Variants in BICD1 observed in about 807,000 individuals in gnomAD.
The protein encoded by BICD1 is protein bicaudal D homolog 1.
BICD1 carries 35 observed loss-of-function variants against 92.5 expected under a neutral mutation model. The observed-to-expected ratio is 0.38, with a 90% confidence interval of 0.29 to 0.50. The LOEUF is 0.50. Among genes scored for constraint, BICD1 ranks in the 20% least tolerant of loss-of-function variants. The pLI is 0.93. For synonymous variants in BICD1, 429 were observed against 465.1 expected (o/e 0.92, Z 1.00); for missense variants, 950 against 1,189.8 (o/e 0.80, Z 2.97).
rs1472492555 is a variant in BICD1 at position 32,328,908 on chromosome 12, G to T, written c.2100+353G>T. On this transcript the variant is annotated intron_variant, in intron 5 of 9. Transcript: ENST00000652176. The surrounding 1 kb of genome is among the most constrained non-coding windows in gnomAD (Gnocchi z 4.4). ...AGATGGAGGGTGGCAGAATAGGCTG[G>T]CAAGGCAGGTTACACCAACCAGGGC... Among the ~76,000 whole-genome samples the T allele has an allele frequency of 1.3e-5, 2 of 151,984 alleles. No individual in the cohort carries two copies. The highest frequency in any genetic ancestry group is 2.9e-5 in the Non-Finnish European group (2 of 68,000).
At chr12:32,142,453 C>CCTATCTATCTATCCTATCTATCTAT (rs772125865) in intron 1 of BICD1, among the ~76,000 whole-genome samples, 18,625 of 112,732 alleles carry the variant, frequency 0.17, 1,540 homozygotes, top group Admixed American at 0.21. Flanking sequence ...ACCTATCTAT[C>CCTATCTATCTATCCTATCTATCTAT]CTATCTATCT....
chr12:32,228,454 A>G (rs1945770925), intron 2 of BICD1, among the ~76,000 whole-genome samples: 1 of 152,216 alleles, frequency 6.6e-6, no homozygotes, highest in African/African-American at 2.4e-5. Context: ...CAGATCATGT[A>G]GGGCCTTGTA....
chr12:32,154,923 G>A (rs948659667), intron 1 of BICD1, among the ~76,000 whole-genome samples: 5 of 151,962 alleles, frequency 3.3e-5, no homozygotes, highest in South Asian at 4.2e-4. Context: ...ATGATCCCTC[G>A]TCAGTTTTTC....
chr12:32,310,080 C>T lies in BICD1; in HGVS notation c.1005+3958C>T, dbSNP rs191761357. ...TAGAGGGGCACAGGCAAGGCTGTAA[C>T]TCCCTGAACCAGGTGATATGCAGCA... On this transcript the variant is annotated intron_variant, in intron 4 of 9. Transcript: ENST00000652176. 5.5e-4 allele frequency among the ~76,000 whole-genome samples: 84 copies of T among 152,296 alleles called. No individual in the cohort carries two copies. In the East Asian group the frequency reaches 0.013, roughly 23 times the overall value.
At chr12:32,235,569 T>C (rs1362120826) in intron 2 of BICD1, among the ~76,000 whole-genome samples, 1 of 146,546 alleles carries the variant, frequency 6.8e-6, no homozygotes, top group Non-Finnish European at 1.5e-5. Context: ...TTTTTTTTTT[T>C]ACAAATTGAA....
At chr12:32,133,937 A>G (rs967957812) in intron 1 of BICD1, among the ~76,000 whole-genome samples, 7 of 151,818 alleles carry the variant, frequency 4.6e-5, no homozygotes, top group Non-Finnish European at 7.4e-5. Flanking sequence ...GCCTGCCACC[A>G]CGCCTGGCTA....
rs1462600880 is a variant in BICD1 at position 32,258,342 on chromosome 12, A to AT, written c.427-35651dup. On this transcript the variant is annotated intron_variant, in intron 2 of 9. Coordinates refer to ENST00000652176, the MANE Select transcript of BICD1 (RefSeq NM_001714.4). ...TATGGTTTCAACTTGTATTTTCCTT[A>AT]TGACTAATGAAATCGAAGACCTTTT... Among the ~76,000 whole-genome samples, 7 of 152,238 alleles carry AT rather than the reference A, an allele frequency of 4.6e-5. No individual in the cohort carries two copies. In the East Asian group the frequency reaches 1.3e-3, roughly 29 times the overall value.
chr12:32,312,853 G>A (rs1004311262), intron 4 of BICD1, among the ~76,000 whole-genome samples: 1 of 152,156 alleles, frequency 6.6e-6, no homozygotes, highest in Middle Eastern at 3.4e-3. Context: ...GAGTATTATC[G>A]GATAAATTAT....
At chr12:32,229,555 A>G (rs994035749) in intron 2 of BICD1, among the ~76,000 whole-genome samples, 4 of 152,232 alleles carry the variant, frequency 2.6e-5, no homozygotes, top group African/African-American at 9.6e-5. Context: ...AGACGAGGAC[A>G]TATATTGACC....
chr12:32,248,620 A>G (rs1416362073), intron 2 of BICD1, among the ~76,000 whole-genome samples: 1 of 152,204 alleles, frequency 6.6e-6, no homozygotes, highest in Non-Finnish European at 1.5e-5. Flanking sequence ...GCTGATTTTA[A>G]GAACTCTAAG....
chr12:32,206,226 G>T (rs956333199), intron 1 of BICD1, among the ~76,000 whole-genome samples: 2 of 152,182 alleles, frequency 1.3e-5, no homozygotes, highest in Admixed American at 1.3e-4. Flanking sequence ...TGGAATGGTT[G>T]GATTGCATGG....
intron 1 of BICD1, chr12:32,109,713 TTATTA>T (rs1353903256): frequency 2.0e-4 from 30 of 152,046 alleles, no homozygotes; most frequent in African/African-American, 7.2e-4. Flanking sequence ...GGTAATAAAA[TTATTA>T]TAGTTGATTA....
At chr12:32,246,417 C>G (rs927926138) in intron 2 of BICD1, among the ~76,000 whole-genome samples, 1 of 151,596 alleles carries the variant, frequency 6.6e-6, no homozygotes, top group African/African-American at 2.4e-5. Context: ...GTGGGAGGAT[C>G]GCTTGAGGCC....
rs1196236091 is a variant in BICD1, at chr12:32,116,858, G to A, written c.213+9314G>A. On this transcript the variant is annotated intron_variant, in intron 1 of 9. Coordinates refer to ENST00000652176, the MANE Select transcript of BICD1 (RefSeq NM_001714.4). Reference sequence around the variant, plus strand: ...GCCTCCCAAAGTGTTGGGATTGTAGGTGTGAACTACTGTGCCTGGCCTTCT... The same window carrying A: ...GCCTCCCAAAGTGTTGGGATTGTAGATGTGAACTACTGTGCCTGGCCTTCT... Among the ~76,000 whole-genome samples, 40 of 152,140 alleles carry A rather than the reference G, an allele frequency of 2.6e-4. 2 individuals carry two copies. Among genetic ancestry groups the A allele is most frequent in the Admixed American group, 2.1e-3 (32 of 15,272 alleles).
At chr12:32,312,136 A>T (rs969437671) in intron 4 of BICD1, among the ~76,000 whole-genome samples, 9 of 152,202 alleles carry the variant, frequency 5.9e-5, no homozygotes, top group African/African-American at 2.2e-4. Flanking sequence ...CTCATTCAAA[A>T]GGGGAAGGTA....
At chr12:32,150,733 G>C (rs776654528) in intron 1 of BICD1, among the ~76,000 whole-genome samples, 1 of 151,954 alleles carries the variant, frequency 6.6e-6, no homozygotes, top group Non-Finnish European at 1.5e-5. Flanking sequence ...CTGACACAGG[G>C]GCCTTGGGTC....
intron 8 of BICD1, among the ~76,000 whole-genome samples, chr12:32,343,351 C>T (rs991382572): frequency 6.6e-5 from 10 of 151,996 alleles, no homozygotes; most frequent in Non-Finnish European, 1.3e-4. Context: ...CTTCCTCCTC[C>T]GTCCCCTCTT....
At chr12:32,322,456 G>A (rs1354381213) in intron 4 of BICD1, among the ~76,000 whole-genome samples, 2 of 152,214 alleles carry the variant, frequency 1.3e-5, no homozygotes, top group South Asian at 2.1e-4. Flanking sequence ...CCTCGCATGC[G>A]CAGTTCACAA....
At chr12:32,116,771 G>A (rs1340145914) in intron 1 of BICD1, among the ~76,000 whole-genome samples, 1 of 151,730 alleles carries the variant, frequency 6.6e-6, no homozygotes, top group Non-Finnish European at 1.5e-5. Flanking sequence ...GCAGAGATGA[G>A]GTTTTGTTAT....
Sources: gnomAD v4.1 joint callset for allele counts (sites outside exome capture counted in the v4.1 genomes callset) on GRCh38, gnomAD v4.1.1 for gene constraint, Gnocchi (gnomAD v3.1) non-coding constraint, MANE v1.5 for transcripts, NCBI Gene and HGNC (gene_info 2026-07-23, HGNC 2026-07-21) for gene names.